Variants in PPP2R3A observed in about 807,000 individuals in gnomAD.
PPP2R3A encodes protein phosphatase 2 regulatory subunit B''alpha, also known as serine/threonine-protein phosphatase 2A regulatory subunit B'' subunit alpha.
In PPP2R3A, 80 loss-of-function variants were observed where a neutral mutation model predicts 106.9. The observed-to-expected ratio is 0.75, with a 90% CI of 0.62 to 0.90. PPP2R3A has a LOEUF of 0.90. Ranked by LOEUF, PPP2R3A falls within the 40% of genes least tolerant of loss-of-function variation. The pLI, the probability that PPP2R3A is intolerant of heterozygous loss-of-function variation, is 0.00. For missense variants in PPP2R3A, 1,386 were observed against 1,350.4 expected, an observed-to-expected ratio of 1.03 and a Z score of -0.41; for synonymous variants, 483 against 468.3, an observed-to-expected ratio of 1.03 and a Z score of -0.41.
intron 1 of PPP2R3A, among the ~76,000 whole-genome samples, chr3:135,966,408 T>C (rs1937086873): frequency 6.6e-6 from 1 of 151,962 alleles, no homozygotes; most frequent in Admixed American, 6.5e-5. Flanking sequence ...GGAGCCGGGG[T>C]ACCTGAAACA....
intron 2 of PPP2R3A, among the ~76,000 whole-genome samples, chr3:136,007,111 T>G (rs1466439770): frequency 6.6e-6 from 1 of 152,184 alleles, no homozygotes; most frequent in Non-Finnish European, 1.5e-5. Context: ...CCTCCAAAAA[T>G]GTTATCTCAA....
chr3:136,133,407 T>C (rs1459922454), intron 13 of PPP2R3A, among the ~76,000 whole-genome samples: 1 of 152,140 alleles, frequency 6.6e-6, no homozygotes, highest in African/African-American at 2.4e-5. Context: ...TATTAGACAT[T>C]AGGAAATTGC....
intron 1 of PPP2R3A, among the ~76,000 whole-genome samples, chr3:135,969,457 T>C (rs1387464730): frequency 6.6e-6 from 1 of 152,200 alleles, no homozygotes; most frequent in Non-Finnish European, 1.5e-5. Context: ...GTGGTGGTGT[T>C]ACCTGAAGTA....
chr3:136,138,191 T>C (rs558389160), intron 13 of PPP2R3A, among the ~76,000 whole-genome samples: 1 of 152,246 alleles, frequency 6.6e-6, no homozygotes, highest in Non-Finnish European at 1.5e-5. Context: ...TTTTATTTTT[T>C]TCCACATTGA....
intron 2 of PPP2R3A, among the ~76,000 whole-genome samples, chr3:136,020,075 A>G (rs891411342): frequency 6.6e-6 from 1 of 152,096 alleles, no homozygotes; most frequent in Non-Finnish European, 1.5e-5. Flanking sequence ...CTGGCATATA[A>G]GTGATTATAT....
chr3:136,014,739 G>C (rs887655887), intron 2 of PPP2R3A, among the ~76,000 whole-genome samples: 1 of 152,030 alleles, frequency 6.6e-6, no homozygotes, highest in Non-Finnish European at 1.5e-5. Flanking sequence ...TGAGTCTTTA[G>C]GGTTTTCCAG....
intron 1 of PPP2R3A, among the ~76,000 whole-genome samples, chr3:135,967,725 C>T (rs1937127874): frequency 6.6e-6 from 1 of 152,144 alleles, no homozygotes; most frequent in Non-Finnish European, 1.5e-5. Flanking sequence ...TGACACCCCC[C>T]ATCCCCCAAA....
Position 136,054,509 on chromosome 3 carries a change from G to C in PPP2R3A, c.2469+5148G>C, listed in dbSNP as rs191672580. Among the ~76,000 whole-genome samples, 808 of 152,044 alleles carry C rather than the reference G, an allele frequency of 5.3e-3. 15 individuals are homozygous for C. Among genetic ancestry groups the C allele is most frequent in the African/African-American group, 0.017 (723 of 41,472 alleles). On this transcript the variant is annotated intron_variant, in intron 5 of 13. Coordinates refer to ENST00000264977, the MANE Select transcript of PPP2R3A (RefSeq NM_002718.5). ...CTTGACCTCGTGATCCGCCCACCTCGGCCTCCCAAAGTGCTGAGATTACAG... is the reference window on the plus strand; with the variant it reads ...CTTGACCTCGTGATCCGCCCACCTCCGCCTCCCAAAGTGCTGAGATTACAG...
At chr3:135,972,087 C>G (rs915929102) in intron 1 of PPP2R3A, among the ~76,000 whole-genome samples, 1 of 152,152 alleles carries the variant, frequency 6.6e-6, no homozygotes, top group African/African-American at 2.4e-5. Flanking sequence ...ATTTTCATCA[C>G]CCCAAAAGGA....
At chr3:136,070,304 C>T (rs1386704717) in intron 5 of PPP2R3A, among the ~76,000 whole-genome samples, 174 bp from the exon 6 acceptor site, 1 of 152,072 alleles carries the variant, frequency 6.6e-6, no homozygotes, top group East Asian at 1.9e-4. Context: ...CAGAAAAGCA[C>T]ACATAAGTAT....
chr3:136,098,129 A>G (rs1937258567), intron 10 of PPP2R3A, among the ~76,000 whole-genome samples: 1 of 152,208 alleles, frequency 6.6e-6, no homozygotes, highest in South Asian at 2.1e-4. Context: ...TCTGGGCAAC[A>G]TAGGAAGACC....
Position 136,001,773 on chromosome 3 carries a change from C to T in PPP2R3A, c.275C>T (p.Thr92Ile). ...AEGDYPQQAF[T>I]GIPRVKRGST... is the part of the protein sequence containing the mutation. ...GGAGACTATCCCCAACAGGCCTTCA[C>T]AGGCATACCCAGGGTCAAGAGAGGA... Residue 92 changes from threonine to isoleucine, a missense_variant, in exon 2 of 14, where the codon ACA becomes ATA. Physicochemically the swap from Thr to Ile is moderately conservative, Grantham distance 89. Coordinates refer to ENST00000264977, the MANE Select transcript of PPP2R3A (RefSeq NM_002718.5). 1.9e-6 allele frequency: 3 copies of T among 1,614,160 alleles called. No homozygotes were observed. The highest frequency in any genetic ancestry group is 2.5e-6 in the Non-Finnish European group (3 of 1,180,028).
intron 10 of PPP2R3A, among the ~76,000 whole-genome samples, chr3:136,098,045 G>T (rs774018812): frequency 2.6e-5 from 4 of 152,118 alleles, no homozygotes; most frequent in African/African-American, 7.2e-5. Context: ...GTCCCCCTTT[G>T]TTCTTTAATA....
chr3:136,024,513 A>T (rs1469344465), intron 2 of PPP2R3A, among the ~76,000 whole-genome samples: 1 of 152,184 alleles, frequency 6.6e-6, no homozygotes, highest in African/African-American at 2.4e-5. Context: ...AGAACAGAAT[A>T]TTTTATAATC....
chr3:136,061,192 A>G (rs1936063742), intron 5 of PPP2R3A, among the ~76,000 whole-genome samples: 1 of 152,228 alleles, frequency 6.6e-6, no homozygotes, highest in African/African-American at 2.4e-5. Flanking sequence ...AAGAAGATGG[A>G]TATAGAGGAC....
At chr3:136,077,710 C>T (rs921610767) in intron 6 of PPP2R3A, among the ~76,000 whole-genome samples, 7 of 152,202 alleles carry the variant, frequency 4.6e-5, no homozygotes, top group African/African-American at 1.4e-4. Flanking sequence ...GCACACACAT[C>T]CTCAATCTAG....
At chr3:136,034,873 A>G (rs902983847) in intron 3 of PPP2R3A, among the ~76,000 whole-genome samples, 8 of 152,128 alleles carry the variant, frequency 5.3e-5, no homozygotes, top group African/African-American at 1.4e-4. Flanking sequence ...TCTTAGGTCT[A>G]TTAGTAATTG....
intron 1 of PPP2R3A, among the ~76,000 whole-genome samples, chr3:135,985,126 A>G (rs1937589860): frequency 6.6e-6 from 1 of 152,110 alleles, no homozygotes; most frequent in Non-Finnish European, 1.5e-5. Flanking sequence ...TTTCCTTTAT[A>G]AATTACCCAG....
chr3:136,084,750 A>G (rs902219883), intron 8 of PPP2R3A, among the ~76,000 whole-genome samples: 1 of 152,258 alleles, frequency 6.6e-6, no homozygotes, highest in Non-Finnish European at 1.5e-5. Flanking sequence ...TCAGTGTGCC[A>G]TGGATATGAG....
Sources: allele counts gnomAD v4.1 joint callset (sites outside exome capture counted in the v4.1 genomes callset), GRCh38; gene constraint gnomAD v4.1.1; transcripts MANE v1.5; gene names NCBI Gene and HGNC (gene_info 2026-07-23, HGNC 2026-07-21).